The following GRM4 variants were observed in gnomAD, a reference collection of about 807,000 sequenced individuals.
The protein encoded by GRM4 is glutamate metabotropic receptor 4, also known as metabotropic glutamate receptor 4.
In GRM4, 28 loss-of-function variants were observed where a neutral mutation model predicts 81.7. The observed-to-expected ratio is 0.34, with a 90% CI of 0.25 to 0.47. GRM4 has a LOEUF of 0.47. GRM4 is among the 20% of genes least tolerant of loss of function. The probability of loss-of-function intolerance (pLI) is 1.00; values close to 1 mark genes in which losing one functional copy is unlikely to be tolerated. For synonymous variants in GRM4, 488 were observed against 528.8 expected, an observed-to-expected ratio of 0.92 and a Z score of 1.06; for missense variants, 948 against 1,290.0, an observed-to-expected ratio of 0.73 and a Z score of 4.06.
At chr6:34,029,968 G>A (rs1256364200) in intron 9 of GRM4, among the ~76,000 whole-genome samples, 1 of 152,196 alleles carries the variant, frequency 6.6e-6, no homozygotes, top group South Asian at 2.1e-4. Flanking sequence ...CCCCCAGTGA[G>A]CACATGCCGC....
At chr6:34,102,743 G>A (rs963164543) in intron 2 of GRM4, among the ~76,000 whole-genome samples, 3 of 152,202 alleles carry the variant, frequency 2.0e-5, no homozygotes, top group African/African-American at 7.2e-5. Flanking sequence ...CCTGCCACAG[G>A]ACAGGCATTC....
At chr6:34,037,858 T>G (rs1581597655) in intron 8 of GRM4, among the ~76,000 whole-genome samples, 1 of 71,378 alleles carries the variant, frequency 1.4e-5, no homozygotes, top group African/African-American at 8.1e-5. Flanking sequence ...CAAGATTCCG[T>G]CTCAAAAAAA....
chr6:34,150,152 C>T (rs559014478), upstream of GRM4, among the ~76,000 whole-genome samples: 12 of 152,112 alleles, frequency 7.9e-5, no homozygotes, highest in South Asian at 2.1e-3. Context: ...TTCCCAGGTA[C>T]ACAGCGCATT....
At chr6:34,134,899 C>T (rs3756926) in intron 1 of GRM4, among the ~76,000 whole-genome samples, 3,964 of 152,232 alleles carry the variant, frequency 0.026, 102 homozygotes, top group East Asian at 0.11. Flanking sequence ...GGCTAATTTC[C>T]CCCCGGGGTT....
intron 2 of GRM4, among the ~76,000 whole-genome samples, chr6:34,110,476 G>A (rs56821109): frequency 0.041 from 6,024 of 148,510 alleles, 304 homozygotes; most frequent in African/African-American, 0.13. Flanking sequence ...CCCTAAGCAT[G>A]GCCAGCCTCA....
chr6:34,133,459 C>T lies in GRM4; in HGVS notation c.38G>A (p.Arg13Gln), dbSNP rs150291306. 6.3e-6 allele frequency: 10 copies of T among 1,596,170 alleles called. No homozygotes were observed. The African/African-American group carries it at 1.1e-4, about 17-fold the overall frequency. The change falls in exon 2 of 11, where the codon CGG becomes CAG. Residue 13 changes from arginine (R) to glutamine (Q), a missense_variant. Physicochemically the swap from Arg to Gln is conservative, Grantham distance 43. Coordinates refer to ENST00000538487, the MANE Select transcript of GRM4 (RefSeq NM_000841.4). The surrounding 1 kb of genome is among the most constrained non-coding windows in gnomAD (Gnocchi z 6.5). The stretch of plus-strand genomic sequence containing the variant: ...GCTGAGGAGCAGGCAAAGGGGCAGC[C>T]GGGCCCACCACCAGCCCAAGCCTCT... ...GKRGLGWWWARLPLCLLLSLY... is the reference protein window; with the variant it reads ...GKRGLGWWWAQLPLCLLLSLY...
At chr6:34,120,370 G>A (rs1769762162) in intron 2 of GRM4, among the ~76,000 whole-genome samples, 1 of 152,098 alleles carries the variant, frequency 6.6e-6, no homozygotes, top group African/African-American at 2.4e-5. Flanking sequence ...TGGGGGTGAG[G>A]GAGGCAAGGA....
At chr6:34,100,735 T>C (rs1768791380) in intron 2 of GRM4, among the ~76,000 whole-genome samples, 1 of 152,250 alleles carries the variant, frequency 6.6e-6, no homozygotes, top group Non-Finnish European at 1.5e-5. Flanking sequence ...ATCTCTGCCT[T>C]CTTGGGACCA....
chr6:34,117,551 G>A (rs903305376), intron 2 of GRM4, among the ~76,000 whole-genome samples: 3 of 152,154 alleles, frequency 2.0e-5, no homozygotes, highest in African/African-American at 7.2e-5. Context: ...GAATTTCCGG[G>A]GTTTAGGGGG....
At chr6:34,024,763 G>T (rs1480047971) in intron 10 of GRM4, 1 of 455,936 alleles carries the variant, frequency 2.2e-6, no homozygotes, top group East Asian at 7.0e-5. Flanking sequence ...TTAGCCGGAT[G>T]GTGGTGGGCA....
At position 34,074,069 on chromosome 6, in the gene GRM4, G is replaced by A. The variant is rs1767178292; in HGVS notation, c.737-12041C>T. On this transcript the variant is annotated intron_variant, in intron 3 of 10. Transcript: ENST00000538487. The surrounding 1 kb of genome is among the most constrained non-coding windows in gnomAD (Gnocchi z 4.9). ...CTCTGCCACCAGGCTCTCCATTCCT[G>A]CCCATCCCTTCCCCTGCCAGGAGAA... 6.6e-6 allele frequency among the ~76,000 whole-genome samples: 1 copy of A among 152,164 alleles called. No homozygotes were observed. The highest frequency in any genetic ancestry group is 1.5e-5 in the Non-Finnish European group (1 of 68,030).
At position 34,028,179 on chromosome 6, in the gene GRM4, C is replaced by T. The variant is rs757783612; in HGVS notation, c.2630G>A (p.Gly877Asp). The T allele has an allele frequency of 1.9e-6, 3 of 1,614,044 alleles. No individual in the cohort carries two copies. Among genetic ancestry groups the T allele is most frequent in the South Asian group, 1.1e-5 (1 of 91,088 alleles). Residue 877 changes from glycine to aspartate, a missense_variant, in exon 10 of 11, where the codon GGC becomes GAC. Transcript: ENST00000538487. ...ATMSNKFTQK[G>D]NFRPNGEAKS... ...GGCCTCTCCGTTGGGCCGGAAGTTG[C>T]CCTTCTGCGTGAACTTGTTGGACAT...
Position 34,111,110 on chromosome 6 carries a change from CACAT to C in GRM4, c.520-19015_520-19012del, listed in dbSNP as rs1197749413. On this transcript the variant is annotated intron_variant, in intron 2 of 10. Transcript: ENST00000538487. The surrounding 1 kb of genome is among the most constrained non-coding windows in gnomAD (Gnocchi z 5.1). Reference sequence around the variant, plus strand: ...CAGGGAGGAGGAGACACACACAGGCCACATACACACACACACACACACACACACA... The same window carrying C: ...CAGGGAGGAGGAGACACACACAGGCCACACACACACACACACACACACACA... 10 of 146,272 alleles carry C rather than the reference CACAT, an allele frequency of 6.8e-5. No individual in the cohort carries two copies. The highest frequency in any genetic ancestry group is 6.7e-4 in the Admixed American group (7 of 10,458). 9.1% of individuals were successfully genotyped at this position (146,272 alleles called of 1,614,324 possible).
At chr6:34,073,319 C>CA (rs1767118916) in intron 3 of GRM4, among the ~76,000 whole-genome samples, 1 of 137,920 alleles carries the variant, frequency 7.3e-6, no homozygotes, top group African/African-American at 2.8e-5. Flanking sequence ...CACAGATACA[C>CA]ACCACACACA....
chr6:34,052,275 C>A (rs575554231), intron 6 of GRM4, among the ~76,000 whole-genome samples: 1 of 152,372 alleles, frequency 6.6e-6, no homozygotes, highest in African/African-American at 2.4e-5. Context: ...CAATTGTTCA[C>A]AGTGGCAACC....
intron 1 of GRM4, among the ~76,000 whole-genome samples, chr6:34,142,280 C>T (rs889450599): frequency 6.6e-5 from 10 of 152,278 alleles, no homozygotes; most frequent in South Asian, 2.1e-4. Context: ...CAAAGGCAGC[C>T]GCCACTCTGC....
intron 10 of GRM4, among the ~76,000 whole-genome samples, 183 bp downstream of exon 10, chr6:34,027,937 A>G (rs930361855): frequency 1.3e-5 from 2 of 152,126 alleles, no homozygotes; most frequent in African/African-American, 4.8e-5. Flanking sequence ...GTGGTGCCTC[A>G]GGGCTCTCCC....
At chr6:34,043,492 C>T (rs554459228) in intron 6 of GRM4, among the ~76,000 whole-genome samples, 2 of 152,192 alleles carry the variant, frequency 1.3e-5, no homozygotes, top group East Asian at 3.8e-4. Flanking sequence ...CAGCTCCCAT[C>T]ACACCCTCAT....
chr6:34,141,469 CCCAATTTATTT>C (rs1770688675), intron 1 of GRM4, among the ~76,000 whole-genome samples: 1 of 152,156 alleles, frequency 6.6e-6, no homozygotes, highest in Non-Finnish European at 1.5e-5. Context: ...CACTGCGTTC[CCCAATTTATTT>C]AATATACGTG....
Sources: gnomAD v4.1 joint callset for allele counts (sites outside exome capture counted in the v4.1 genomes callset) on GRCh38, gnomAD v4.1.1 for gene constraint, Gnocchi (gnomAD v3.1) non-coding constraint, MANE v1.5 for transcripts, NCBI Gene and HGNC (gene_info 2026-07-23, HGNC 2026-07-21) for gene names.